Variants in SPATA16 observed in about 807,000 individuals in gnomAD.
The protein encoded by SPATA16 is spermatogenesis-associated protein 16.
A neutral mutation model predicts 63.3 loss-of-function variants in SPATA16; 36 were observed. The observed-to-expected ratio is 0.57, with a 90% CI of 0.44 to 0.75. SPATA16 has a LOEUF of 0.75. Ranked by LOEUF, SPATA16 falls within the 30% of genes least tolerant of loss-of-function variation. The probability of loss-of-function intolerance (pLI) is 0.00; values close to 1 mark genes in which losing one functional copy is unlikely to be tolerated. For missense variants in SPATA16, 646 were observed against 679.3 expected (o/e 0.95, Z 0.54); for synonymous variants, 203 against 216.7 (o/e 0.94, Z 0.56).
intron 5 of SPATA16, among the ~76,000 whole-genome samples, chr3:172,970,196 C>T (rs1734017106): frequency 6.6e-6 from 1 of 152,150 alleles, no homozygotes. Flanking sequence ...CCTTTTTCTC[C>T]TGCTCCGTGA....
At chr3:172,938,833 AC>A (rs1201577106) in intron 6 of SPATA16, among the ~76,000 whole-genome samples, 3 of 29,860 alleles carry the variant, frequency 1.0e-4, no homozygotes, top group Admixed American at 3.7e-4. Context: ...AGACCCCCCC[AC>A]CCCCCCGCAA....
chr3:172,998,279 T>G (rs944916765), intron 4 of SPATA16, among the ~76,000 whole-genome samples: 4 of 152,144 alleles, frequency 2.6e-5, no homozygotes, highest in East Asian at 1.9e-4. Context: ...TCTAAGTATT[T>G]TATTTGTTTT....
intron 2 of SPATA16, among the ~76,000 whole-genome samples, chr3:173,059,386 A>G (rs1736322806): frequency 6.7e-6 from 1 of 148,366 alleles, no homozygotes; most frequent in African/African-American, 2.5e-5. Flanking sequence ...ATGTGATAGT[A>G]TGCTAATGTC....
intron 4 of SPATA16, among the ~76,000 whole-genome samples, chr3:172,990,630 C>T (rs967794545): frequency 2.0e-5 from 3 of 152,126 alleles, no homozygotes; most frequent in African/African-American, 7.2e-5. Context: ...TCATGAAGGG[C>T]ACTCTGGCTG....
At chr3:172,983,457 A>T (rs1734368461) in intron 4 of SPATA16, among the ~76,000 whole-genome samples, 1 of 151,804 alleles carries the variant, frequency 6.6e-6, no homozygotes, top group Admixed American at 6.6e-5. Flanking sequence ...TGATCTTTAT[A>T]TGCACCTATT....
At chr3:172,923,087 G>T (rs1339754572) in intron 8 of SPATA16, among the ~76,000 whole-genome samples, 1 of 152,200 alleles carries the variant, frequency 6.6e-6, no homozygotes. Context: ...ACACGGTGAT[G>T]GTTCTGGTTA....
intron 2 of SPATA16, among the ~76,000 whole-genome samples, chr3:173,055,229 A>G (rs975023370): frequency 3.3e-5 from 5 of 152,216 alleles, no homozygotes; most frequent in Non-Finnish European, 7.3e-5. Flanking sequence ...GTGAAATTGT[A>G]CAGTCACTAG....
intron 4 of SPATA16, among the ~76,000 whole-genome samples, chr3:172,981,302 T>C (rs1734311356): frequency 3.3e-5 from 5 of 152,178 alleles, no homozygotes. Flanking sequence ...ATAGTCAGAG[T>C]GATCCCATTA....
chr3:173,093,040 A>AACACAC (rs57114377), intron 2 of SPATA16, among the ~76,000 whole-genome samples: 2,800 of 142,606 alleles, frequency 0.02, 37 homozygotes, highest in Non-Finnish European at 0.024. Context: ...ATGCACCTAA[A>AACACAC]ACACACACAC....
intron 4 of SPATA16, among the ~76,000 whole-genome samples, chr3:173,013,081 T>TA (rs1332268916): frequency 1.3e-5 from 2 of 151,668 alleles, no homozygotes; most frequent in African/African-American, 2.4e-5. Context: ...CAAACCACAA[T>TA]AAAAAACCAT....
intron 8 of SPATA16, among the ~76,000 whole-genome samples, chr3:172,919,343 C>A (rs145353147): frequency 6.6e-6 from 1 of 152,262 alleles, no homozygotes; most frequent in African/African-American, 2.4e-5. Context: ...GGGCTGCTGG[C>A]TGAATGGGGT....
intron 4 of SPATA16, 141 bp downstream of exon 4, chr3:173,019,345 G>A (rs1735264402): frequency 2.5e-6 from 2 of 804,490 alleles, no homozygotes; most frequent in Non-Finnish European, 4.3e-6. Flanking sequence ...ATAATTGCTG[G>A]TTTGACGTTG....
intron 1 of SPATA16, among the ~76,000 whole-genome samples, chr3:173,124,614 C>T (rs1333401600): frequency 6.6e-6 from 1 of 152,136 alleles, no homozygotes; most frequent in Non-Finnish European, 1.5e-5. Flanking sequence ...AGAAAAACAA[C>T]AACAACAAAA....
intron 8 of SPATA16, among the ~76,000 whole-genome samples, chr3:172,923,312 A>G (rs765784627): frequency 2.0e-5 from 3 of 152,236 alleles, no homozygotes; most frequent in Non-Finnish European, 4.4e-5. Context: ...TATTTGTAAT[A>G]CATGGAATCG....
At chr3:173,044,292 C>T (rs1358773148) in intron 3 of SPATA16, among the ~76,000 whole-genome samples, 2 of 152,124 alleles carry the variant, frequency 1.3e-5, no homozygotes, top group Non-Finnish European at 2.9e-5. Context: ...CTTTTATTGT[C>T]TATCTCTTGT....
At chr3:173,114,593 T>G (rs1187998395) in intron 2 of SPATA16, among the ~76,000 whole-genome samples, 1 of 152,158 alleles carries the variant, frequency 6.6e-6, no homozygotes, top group African/African-American at 2.4e-5. Flanking sequence ...CTACCAACAT[T>G]TATGTATGAG....
chr3:173,010,763 A>G (rs1466871760), intron 4 of SPATA16, among the ~76,000 whole-genome samples: 3 of 151,474 alleles, frequency 2.0e-5, no homozygotes, highest in Non-Finnish European at 4.4e-5. Context: ...CGAAAATCGT[A>G]CCCCACAGGC....
intron 1 of SPATA16, among the ~76,000 whole-genome samples, chr3:173,125,026 C>T (rs936684335): frequency 5.9e-5 from 9 of 152,150 alleles, no homozygotes; most frequent in African/African-American, 1.4e-4. Flanking sequence ...ATACATTATA[C>T]ATCTTAAATT....
rs534846588 is a variant in SPATA16, at chr3:172,926,647, G to C, written c.1082-1155C>G. Among the ~76,000 whole-genome samples, 26 of 152,254 alleles carry C rather than the reference G, an allele frequency of 1.7e-4. 1 individual carries two copies. The highest frequency in any genetic ancestry group is 5.3e-4 in the African/African-American group (22 of 41,532). On this transcript the variant is annotated intron_variant, in intron 6 of 10. Coordinates refer to ENST00000351008, the MANE Select transcript of SPATA16 (RefSeq NM_031955.6). Reference sequence around the variant, plus strand: ...ATCGCTTGGCACTAAGTTACTTTTGGGGTAGGGATAGAGGCCCACCTTACA... The same window carrying C: ...ATCGCTTGGCACTAAGTTACTTTTGCGGTAGGGATAGAGGCCCACCTTACA...
Sources: allele counts gnomAD v4.1 joint callset (sites outside exome capture counted in the v4.1 genomes callset), GRCh38; gene constraint gnomAD v4.1.1; transcripts MANE v1.5; gene names NCBI Gene and HGNC (gene_info 2026-07-23, HGNC 2026-07-21).